The following CSMD1 variants were observed in gnomAD, a reference collection of about 807,000 sequenced individuals.
The protein encoded by CSMD1 is CUB and sushi domain-containing protein 1.
CSMD1 carries 213 observed loss-of-function variants against 417.5 expected under a neutral mutation model. The observed-to-expected ratio is 0.51, with a 90% CI of 0.46 to 0.57. The LOEUF is 0.57. CSMD1 is among the 20% of genes least tolerant of loss of function. The probability of loss-of-function intolerance (pLI) is 0.00; values close to 1 mark genes in which losing one functional copy is unlikely to be tolerated. For synonymous variants in CSMD1, 2,862 were observed against 1,736.8 expected (o/e 1.65, Z -16.11); for missense variants, 6,923 against 4,529.7 (o/e 1.53, Z -15.17).
chr8:4,308,724 AT>A (rs1563429025), intron 3 of CSMD1, among the ~76,000 whole-genome samples: 1 of 152,166 alleles, frequency 6.6e-6, no homozygotes, highest in Non-Finnish European at 1.5e-5. Context: ...ATTTAGAGTA[AT>A]TTATCTGAGA....
chr8:3,279,155 C>T (rs1802538487), intron 26 of CSMD1: 1 of 152,112 alleles, frequency 6.6e-6, no homozygotes, highest in African/African-American at 2.4e-5. Flanking sequence ...CGTGTTCCAG[C>T]CTGAGATCCT....
intron 10 of CSMD1, among the ~76,000 whole-genome samples, chr8:3,548,700 A>C (rs891682452): frequency 9.1e-5 from 13 of 142,344 alleles, no homozygotes; most frequent in South Asian, 4.5e-4. Context: ...ACACACACAC[A>C]CCATGGTTTC....
intron 1 of CSMD1, among the ~76,000 whole-genome samples, chr8:4,938,202 G>T (rs537162071): frequency 2.0e-5 from 3 of 152,158 alleles, no homozygotes; most frequent in Non-Finnish European, 4.4e-5. Context: ...TTGACTTTGA[G>T]CTACTAGTGA....
In CSMD1 at chr8:3,729,950, AAAAAAAAAAAAC is replaced by A. The variant is rs1404685497; in HGVS notation, c.932-21471_932-21460del. On this transcript the variant is annotated intron_variant, in intron 6 of 69. Transcript: ENST00000635120. ...AAAAAAAAAAAAAAAAAAAAAAAAA[AAAAAAAAAAAAC>A]AAAAACAGAAGAACGGATACATAAT... Among the ~76,000 whole-genome samples, 93 of 15,054 alleles carry A rather than the reference AAAAAAAAAAAAC, an allele frequency of 6.2e-3. 3 individuals carry two copies. Among genetic ancestry groups the A allele is most frequent in the African/African-American group, 8.3e-3 (79 of 9,472 alleles). The allele number at this position is 15,054 out of a possible 152,430, so 9.9% of individuals were successfully genotyped here.
chr8:4,367,967 G>T (rs1478332625), intron 3 of CSMD1, among the ~76,000 whole-genome samples: 1 of 152,056 alleles, frequency 6.6e-6, no homozygotes, highest in Admixed American at 6.6e-5. Flanking sequence ...TTTATGGGGT[G>T]TTCTAGGTAT....
chr8:4,556,686 A>G lies in CSMD1; in HGVS notation c.302+80656T>C, dbSNP rs182871914. Among the ~76,000 whole-genome samples the G allele has an allele frequency of 1.6e-4, 25 of 152,326 alleles. No individual in the cohort carries two copies. The East Asian group carries it at 3.3e-3, about 20-fold the overall frequency. On this transcript the variant is annotated intron_variant, in intron 2 of 69. Transcript: ENST00000635120. Reference sequence around the variant, plus strand: ...ATGCAAACAACAAAAGTTTTTTTCCATAAGTTTAATTAGCGGAAACACATT... The same window carrying G: ...ATGCAAACAACAAAAGTTTTTTTCCGTAAGTTTAATTAGCGGAAACACATT...
intron 1 of CSMD1, among the ~76,000 whole-genome samples, chr8:4,831,714 A>G (rs1168826707): frequency 6.6e-6 from 1 of 152,198 alleles, no homozygotes; most frequent in Non-Finnish European, 1.5e-5. Flanking sequence ...CTAGACATTC[A>G]CAAACACATG....
chr8:4,511,203 C>G (rs1246258912), intron 2 of CSMD1, among the ~76,000 whole-genome samples: 1 of 152,056 alleles, frequency 6.6e-6, no homozygotes. Flanking sequence ...AGTCCATGTA[C>G]AGATCCATTT....
intron 5 of CSMD1, among the ~76,000 whole-genome samples, chr8:3,819,868 A>C (rs1801623194): frequency 6.6e-6 from 1 of 152,136 alleles, no homozygotes; most frequent in Non-Finnish European, 1.5e-5. Flanking sequence ...GCAAGGGGTA[A>C]ACTAAATCAA....
intron 3 of CSMD1, among the ~76,000 whole-genome samples, chr8:4,092,568 C>A: frequency 6.6e-6 from 1 of 152,278 alleles, no homozygotes; most frequent in South Asian, 2.1e-4. Flanking sequence ...ATGTGATTCT[C>A]TTTCTTAACA....
At chr8:4,206,763 A>G (rs757269350) in intron 3 of CSMD1, among the ~76,000 whole-genome samples, 2 of 152,196 alleles carry the variant, frequency 1.3e-5, no homozygotes, top group Non-Finnish European at 2.9e-5. Flanking sequence ...CAATGAAACC[A>G]TATCATTTCT....
intron 10 of CSMD1, among the ~76,000 whole-genome samples, chr8:3,568,743 A>G (rs1051584005): frequency 6.6e-6 from 1 of 152,118 alleles, no homozygotes; most frequent in African/African-American, 2.4e-5. Flanking sequence ...ACACATATAT[A>G]TATGTATGCA....
intron 27 of CSMD1, among the ~76,000 whole-genome samples, chr8:3,228,962 C>T (rs895454162): frequency 7.2e-5 from 11 of 152,104 alleles, no homozygotes; most frequent in African/African-American, 2.7e-4. Context: ...GTAAACGCAG[C>T]ACCAGACATT....
intron 3 of CSMD1, among the ~76,000 whole-genome samples, chr8:4,048,959 G>C (rs138758271): frequency 6.6e-6 from 1 of 151,790 alleles, no homozygotes; most frequent in South Asian, 2.1e-4. Context: ...TAAATCTATC[G>C]TATAAATGTG....
chr8:3,632,772 T>C (rs907792424), intron 7 of CSMD1, among the ~76,000 whole-genome samples: 18 of 152,248 alleles, frequency 1.2e-4, no homozygotes, highest in African/African-American at 3.4e-4. Context: ...TGTTTTGTTT[T>C]TGGCAGTCTC....
chr8:4,271,642 A>G (rs930546077), intron 3 of CSMD1, among the ~76,000 whole-genome samples: 1 of 152,160 alleles, frequency 6.6e-6, no homozygotes, highest in Non-Finnish European at 1.5e-5. Context: ...AAGAAAGGAA[A>G]AGAAAAGAAA....
intron 5 of CSMD1, among the ~76,000 whole-genome samples, chr8:3,994,200 T>C (rs962328211): frequency 1.3e-5 from 2 of 152,140 alleles, no homozygotes; most frequent in African/African-American, 4.8e-5. Context: ...TTACCTTCTC[T>C]ATCCTCTACA....
intron 3 of CSMD1, among the ~76,000 whole-genome samples, chr8:4,290,636 T>C (rs1249231489): frequency 6.6e-6 from 1 of 152,204 alleles, no homozygotes; most frequent in Non-Finnish European, 1.5e-5. Flanking sequence ...AAAGATTCCT[T>C]GTGAGAAGTA....
At chr8:4,339,607 T>C (rs1350942334) in intron 3 of CSMD1, among the ~76,000 whole-genome samples, 1 of 152,114 alleles carries the variant, frequency 6.6e-6, no homozygotes, top group African/African-American at 2.4e-5. Flanking sequence ...AGGTGGGAAA[T>C]CGCTCAATGA....
Sources: gnomAD v4.1 joint callset for allele counts (sites outside exome capture counted in the v4.1 genomes callset) on GRCh38, gnomAD v4.1.1 for gene constraint, MANE v1.5 for transcripts, NCBI Gene and HGNC (gene_info 2026-07-23, HGNC 2026-07-21) for gene names.